NKAIN2: variants seen among roughly 807,000 people sequenced by gnomAD.
NKAIN2 encodes the protein sodium/potassium-transporting ATPase subunit beta-1-interacting protein 2.
NKAIN2 carries 14 observed loss-of-function variants against 32.6 expected under a neutral mutation model. The ratio of observed to expected loss-of-function variants is 0.43; its 90% CI spans 0.28 to 0.67. The LOEUF (loss-of-function observed/expected upper bound fraction) is 0.67. Among genes scored for constraint, NKAIN2 ranks in the 30% least tolerant of loss-of-function variants. The probability of loss-of-function intolerance (pLI) is 0.17; values close to 1 mark genes in which losing one functional copy is unlikely to be tolerated. For missense variants in NKAIN2, 198 were observed against 258.3 expected (o/e 0.77, Z 1.60); for synonymous variants, 80 against 87.2 (o/e 0.92, Z 0.46).
At chr6:124,259,359 G>A (rs1794110526) in intron 1 of NKAIN2, among the ~76,000 whole-genome samples, 1 of 152,138 alleles carries the variant, frequency 6.6e-6, no homozygotes, top group African/African-American at 2.4e-5. Context: ...TGGTGGTCTG[G>A]TGAGTTTCAG....
At chr6:124,453,322 A>AACACACACGCACACAC (rs1776183531) in intron 3 of NKAIN2, among the ~76,000 whole-genome samples, 3 of 63,934 alleles carry the variant, frequency 4.7e-5, no homozygotes, top group African/African-American at 1.5e-4. Flanking sequence ...CATGCATATA[A>AACACACACGCACACAC]ACACACACAC....
chr6:124,071,272 C>T (rs891447840), intron 1 of NKAIN2, among the ~76,000 whole-genome samples: 3 of 152,066 alleles, frequency 2.0e-5, no homozygotes, highest in African/African-American at 7.2e-5. Flanking sequence ...TAGCCATATG[C>T]AAGAGAATAA....
chr6:124,083,099 C>T (rs576358044), intron 1 of NKAIN2, among the ~76,000 whole-genome samples: 29 of 151,874 alleles, frequency 1.9e-4, no homozygotes, highest in South Asian at 4.1e-4. Context: ...AGACTTTATA[C>T]GTATACCAAA....
chr6:124,582,360 A>G (rs1332091049), intron 3 of NKAIN2, among the ~76,000 whole-genome samples: 2 of 152,166 alleles, frequency 1.3e-5, no homozygotes, highest in African/African-American at 2.4e-5. Context: ...TGGAATATTT[A>G]GAAGAAACAG....
At chr6:124,415,707 G>A (rs1351388829) in intron 3 of NKAIN2, among the ~76,000 whole-genome samples, 1 of 152,040 alleles carries the variant, frequency 6.6e-6, no homozygotes, top group Non-Finnish European at 1.5e-5. Context: ...CCTAGGAGGT[G>A]TCAACCATCA....
intron 1 of NKAIN2, among the ~76,000 whole-genome samples, chr6:123,940,748 T>A (rs117679732): frequency 0.026 from 4,027 of 152,010 alleles, 72 homozygotes; most frequent in Middle Eastern, 0.082. Context: ...TTTGAGTGAG[T>A]GAGTGAGTCA....
intron 3 of NKAIN2, among the ~76,000 whole-genome samples, chr6:124,480,156 A>G (rs1336449972): frequency 6.6e-6 from 1 of 152,204 alleles, no homozygotes; most frequent in Admixed American, 6.5e-5. Context: ...TTAAATGCCA[A>G]TTGAGTTTAA....
intron 1 of NKAIN2, among the ~76,000 whole-genome samples, chr6:124,230,300 G>T (rs1044263365): frequency 6.6e-6 from 1 of 152,194 alleles, no homozygotes; most frequent in African/African-American, 2.4e-5. Flanking sequence ...CATTTAAGAA[G>T]TGACTTGGGT....
At chr6:124,258,717 C>T (rs377664966) in intron 1 of NKAIN2, among the ~76,000 whole-genome samples, 6 of 152,166 alleles carry the variant, frequency 3.9e-5, no homozygotes, top group Admixed American at 6.5e-5. Context: ...TTAAATAGTA[C>T]GTATGTAGCA....
At chr6:124,348,433 A>G (rs1371037855) in intron 2 of NKAIN2, among the ~76,000 whole-genome samples, 2 of 152,218 alleles carry the variant, frequency 1.3e-5, no homozygotes, top group East Asian at 1.9e-4. Flanking sequence ...TCCTGCCCCC[A>G]GAGGTGGAGC....
chr6:124,622,854 C>T (rs567125545), intron 3 of NKAIN2, among the ~76,000 whole-genome samples: 1 of 152,236 alleles, frequency 6.6e-6, no homozygotes, highest in Admixed American at 6.5e-5. Flanking sequence ...ATCTGCTTAT[C>T]TCATCTCCTC....
chr6:124,112,174 T>G (rs1369390396), intron 1 of NKAIN2, among the ~76,000 whole-genome samples: 1 of 152,184 alleles, frequency 6.6e-6, no homozygotes, highest in African/African-American at 2.4e-5. Flanking sequence ...TCTTATGCTG[T>G]CATGTTGCTG....
chr6:123,994,758 C>T (rs1356128925), intron 1 of NKAIN2, among the ~76,000 whole-genome samples: 1 of 152,084 alleles, frequency 6.6e-6, no homozygotes, highest in Non-Finnish European at 1.5e-5. Flanking sequence ...AATGTGATAT[C>T]CCTCCATACA....
intron 3 of NKAIN2, among the ~76,000 whole-genome samples, chr6:124,357,533 A>T (rs1799043784): frequency 6.6e-6 from 1 of 152,294 alleles, no homozygotes; most frequent in South Asian, 2.1e-4. Context: ...TCAGAAAAAA[A>T]AAAGCAATTT....
At chr6:124,597,179 G>T (rs1305421909) in intron 3 of NKAIN2, among the ~76,000 whole-genome samples, 2 of 151,998 alleles carry the variant, frequency 1.3e-5, no homozygotes, top group Non-Finnish European at 2.9e-5. Context: ...GGCACTTCAT[G>T]GCCAGTCAAG....
At position 124,783,841 on chromosome 6, in the gene NKAIN2, T is replaced by C. The variant is rs1362102808; in HGVS notation, c.475-7498T>C. ...AAAATTATACTTTGTGTGTGCATAA[T>C]ATCCTTCTGTTCAAATTCCTATTAC... On this transcript the variant is annotated intron_variant, in intron 4 of 6. Transcript: ENST00000368417. 2.0e-5 allele frequency among the ~76,000 whole-genome samples: 3 copies of C among 152,220 alleles called. No individual in the cohort carries two copies. The South Asian group carries it at 6.2e-4, about 31-fold the overall frequency.
intron 2 of NKAIN2, among the ~76,000 whole-genome samples, chr6:124,329,558 G>A (rs1797566410): frequency 6.6e-6 from 1 of 152,174 alleles, no homozygotes; most frequent in African/African-American, 2.4e-5. Flanking sequence ...CGCTGGGAGT[G>A]ATGAGCAGAA....
At chr6:123,877,969 G>C (rs1773247037) in intron 1 of NKAIN2, among the ~76,000 whole-genome samples, 1 of 152,196 alleles carries the variant, frequency 6.6e-6, no homozygotes, top group South Asian at 2.1e-4. Flanking sequence ...GCCTACGCCT[G>C]TAATCCCAGC....
intron 1 of NKAIN2, among the ~76,000 whole-genome samples, chr6:124,106,635 G>A (rs1274670811): frequency 6.6e-6 from 1 of 152,190 alleles, no homozygotes; most frequent in East Asian, 1.9e-4. Context: ...TTTAGGTAAA[G>A]CTGGAGGGAT....
Sources: gnomAD v4.1 joint callset for allele counts (sites outside exome capture counted in the v4.1 genomes callset) on GRCh38, gnomAD v4.1.1 for gene constraint, MANE v1.5 for transcripts, NCBI Gene and HGNC (gene_info 2026-07-23, HGNC 2026-07-21) for gene names.